TMC1: variants seen among roughly 807,000 people sequenced by gnomAD.
The protein encoded by TMC1 is transmembrane channel-like protein 1.
A neutral mutation model predicts 105.8 loss-of-function variants in TMC1; 84 were observed. The ratio of observed to expected loss-of-function variants is 0.79; its 90% CI spans 0.67 to 0.95. The LOEUF is 0.95. Ranked by LOEUF, TMC1 falls within the 40% of genes least tolerant of loss-of-function variation. TMC1 has a pLI of 0.00. For synonymous variants in TMC1, 315 were observed against 311.5 expected (o/e 1.01, Z -0.12); for missense variants, 817 against 914.1 (o/e 0.89, Z 1.37).
intron 2 of TMC1, among the ~76,000 whole-genome samples, chr9:72,601,559 C>A (rs543152652): frequency 6.6e-6 from 1 of 152,124 alleles, no homozygotes; most frequent in Non-Finnish European, 1.5e-5. Flanking sequence ...GCCAGAGAAT[C>A]GCTTGAACCC....
chr9:72,703,040 G>A (rs1383969984), intron 8 of TMC1, among the ~76,000 whole-genome samples: 2 of 151,660 alleles, frequency 1.3e-5, no homozygotes, highest in African/African-American at 4.8e-5. Context: ...TTTAACCGTG[G>A]CAATATATAC....
At chr9:72,701,715 AT>A (rs1826649411) in intron 8 of TMC1, among the ~76,000 whole-genome samples, 1 of 152,156 alleles carries the variant, frequency 6.6e-6, no homozygotes, top group African/African-American at 2.4e-5. Context: ...GTATCGCTTA[AT>A]CTCCTGAAGC....
chr9:72,595,673 CTTTTTT>C (rs71357596), intron 2 of TMC1, among the ~76,000 whole-genome samples: 1 of 124,126 alleles, frequency 8.1e-6, no homozygotes, highest in African/African-American at 3.1e-5. Flanking sequence ...CAACTCTCAA[CTTTTTT>C]TTTTTTTTTT....
chr9:72,572,984 T>C (rs1587967242), intron 1 of TMC1, among the ~76,000 whole-genome samples: 1 of 152,242 alleles, frequency 6.6e-6, no homozygotes, highest in East Asian at 1.9e-4. Flanking sequence ...AGAGTGAGAC[T>C]CTGTCTCAAA....
chr9:72,761,840 C>T (rs1827760496), intron 12 of TMC1, among the ~76,000 whole-genome samples: 1 of 152,190 alleles, frequency 6.6e-6, no homozygotes, highest in Non-Finnish European at 1.5e-5. Context: ...TCTTATTGCA[C>T]TGGACACAGG....
chr9:72,587,919 G>T (rs1156910201), intron 2 of TMC1, among the ~76,000 whole-genome samples: 1 of 151,518 alleles, frequency 6.6e-6, no homozygotes, highest in Non-Finnish European at 1.5e-5. Flanking sequence ...ACAAATAGCC[G>T]GAATTACAGG....
chr9:72,708,073 T>C (rs1441415908), intron 8 of TMC1, among the ~76,000 whole-genome samples: 1 of 152,218 alleles, frequency 6.6e-6, no homozygotes, highest in African/African-American at 2.4e-5. Context: ...CAGTTGGCTG[T>C]AAGTATTTGG....
In TMC1 at chr9:72,686,652, A is replaced by G. The variant is rs12352525; in HGVS notation, c.17-2057A>G. On this transcript the variant is annotated intron_variant, in intron 5 of 23. Coordinates refer to ENST00000297784, the MANE Select transcript of TMC1 (RefSeq NM_138691.3). The stretch of plus-strand genomic sequence containing the variant: ...GGTTTGAATCAAGAACAAAACAAGT[A>G]TTATCACAATGACTATAAAACATGA... 2.2e-3 allele frequency among the ~76,000 whole-genome samples: 339 copies of G among 152,322 alleles called. 5 individuals carry two copies. The highest frequency in any genetic ancestry group is 7.9e-3 in the African/African-American group (327 of 41,580).
chr9:72,574,090 G>C (rs1033273495), intron 1 of TMC1, among the ~76,000 whole-genome samples: 1 of 152,154 alleles, frequency 6.6e-6, no homozygotes, highest in African/African-American at 2.4e-5. Context: ...ATAGCCTCCA[G>C]CTCCATCCAT....
intron 4 of TMC1, among the ~76,000 whole-genome samples, chr9:72,641,856 T>C (rs1334417831): frequency 6.8e-6 from 1 of 147,690 alleles, no homozygotes; most frequent in Non-Finnish European, 1.5e-5. Context: ...CTCGCTCTAT[T>C]GCCCAGGCTG....
chr9:72,769,732 T>A lies in TMC1; in HGVS notation c.742-2681T>A, dbSNP rs561740184. 8.5e-5 allele frequency among the ~76,000 whole-genome samples: 13 copies of A among 152,318 alleles called. No individual in the cohort carries two copies. The South Asian group carries it at 2.7e-3, about 32-fold the overall frequency. ...GCAAGTGCTAAATGTTCACGAAATGTATACGGTGATGTTACTTGTCACAGC... is the reference window on the plus strand; with the variant it reads ...GCAAGTGCTAAATGTTCACGAAATGAATACGGTGATGTTACTTGTCACAGC... On this transcript the variant is annotated intron_variant, in intron 12 of 23. Transcript: ENST00000297784.
At chr9:72,621,000 A>C (rs915259338) in intron 3 of TMC1, among the ~76,000 whole-genome samples, 1 of 152,222 alleles carries the variant, frequency 6.6e-6, no homozygotes, top group East Asian at 1.9e-4. Context: ...GATTGACGTC[A>C]GTCTACTTGG....
At chr9:72,551,086 G>A (rs1564404462) in intron 1 of TMC1, among the ~76,000 whole-genome samples, 1 of 152,168 alleles carries the variant, frequency 6.6e-6, no homozygotes. Context: ...GGGGCTGAGA[G>A]TGAAGGAATG....
intron 1 of TMC1, among the ~76,000 whole-genome samples, chr9:72,556,317 G>A (rs189364418): frequency 2.9e-4 from 44 of 150,870 alleles, no homozygotes; most frequent in Non-Finnish European, 1.0e-4. Context: ...GGGTTTCACC[G>A]TGTTGGCCAG....
chr9:72,525,365 A>T lies in TMC1; in HGVS notation c.-428+3452A>T, dbSNP rs192242405. On this transcript the variant is annotated intron_variant, in intron 1 of 23. Transcript: ENST00000297784. ...CTCTTTGTCCTCCACAGCACGCTTC[A>T]TTGGCTAAAAAGTGAACCAGATACT... 1.7e-3 allele frequency among the ~76,000 whole-genome samples: 263 copies of T among 152,280 alleles called. 1 individual carries two copies. Among genetic ancestry groups the T allele is most frequent in the African/African-American group, 6.1e-3 (255 of 41,578 alleles).
rs547432115 is a variant in TMC1 at position 72,598,751 on chromosome 9, A to G, written c.-305-17617A>G. On this transcript the variant is annotated intron_variant, in intron 2 of 23. Transcript: ENST00000297784. Reference sequence around the variant, plus strand: ...GAAAAAGGTTATGTCTTTTGGGAAAATGCCAAAATCATATTGTGAAAATCC... The same window carrying G: ...GAAAAAGGTTATGTCTTTTGGGAAAGTGCCAAAATCATATTGTGAAAATCC... Among the ~76,000 whole-genome samples the G allele has an allele frequency of 5.3e-5, 8 of 152,320 alleles. No homozygotes were observed. The East Asian group carries it at 1.5e-3, about 29-fold the overall frequency.
intron 1 of TMC1, among the ~76,000 whole-genome samples, chr9:72,562,416 G>A (rs1824073011): frequency 6.6e-6 from 1 of 152,116 alleles, no homozygotes; most frequent in South Asian, 2.1e-4. Context: ...TACATATTTA[G>A]CAGTACACCT....
chr9:72,605,086 G>A (rs1824884355), intron 2 of TMC1, among the ~76,000 whole-genome samples: 1 of 152,104 alleles, frequency 6.6e-6, no homozygotes, highest in Non-Finnish European at 1.5e-5. Context: ...TAGTTTCTGG[G>A]AAATTCAGAC....
In TMC1 at chr9:72,648,680, A is replaced by T; in HGVS notation, c.16+16A>T. ...CCCAAAAAAGGTATTTACAAAATCA[A>T]GACTGTCTGTAGGACACTATGTCTT... On this transcript the variant is annotated intron_variant, in intron 5 of 23. Coordinates refer to ENST00000297784, the MANE Select transcript of TMC1 (RefSeq NM_138691.3). 6.2e-7 allele frequency: 1 copy of T among 1,608,224 alleles called. No individual in the cohort carries two copies. Among genetic ancestry groups the T allele is most frequent in the South Asian group, 1.1e-5 (1 of 90,974 alleles).
Sources: allele counts gnomAD v4.1 joint callset (sites outside exome capture counted in the v4.1 genomes callset), GRCh38; gene constraint gnomAD v4.1.1; transcripts MANE v1.5; gene names NCBI Gene and HGNC (gene_info 2026-07-23, HGNC 2026-07-21).